BCR: variants seen among roughly 807,000 people sequenced by gnomAD.
BCR encodes the protein breakpoint cluster region protein.
BCR carries 58 observed loss-of-function variants against 138.6 expected under a neutral mutation model. That is an observed-to-expected ratio of 0.42 (90% CI 0.34 to 0.52). BCR has a LOEUF of 0.52. BCR is among the 20% of genes least tolerant of loss of function. The pLI, the probability that BCR is intolerant of heterozygous loss-of-function variation, is 0.06. For synonymous variants in BCR, 786 were observed against 730.1 expected (o/e 1.08, Z -1.23); for missense variants, 1,599 against 1,727.2 (o/e 0.93, Z 1.32).
intron 16 of BCR, among the ~76,000 whole-genome samples, chr22:23,305,943 T>C (rs144947598): frequency 6.6e-6 from 1 of 152,386 alleles, no homozygotes; most frequent in East Asian, 1.9e-4. Context: ...CCCAGTCTTT[T>C]GCTTGTTTAC....
At chr22:23,275,869 G>A (rs1602093533) in intron 8 of BCR, among the ~76,000 whole-genome samples, 1 of 152,192 alleles carries the variant, frequency 6.6e-6, no homozygotes, top group East Asian at 1.9e-4. Flanking sequence ...GGCTTCTCCT[G>A]TGCCTAGTCT....
At chr22:23,246,722 G>A (rs777596418) in intron 1 of BCR, among the ~76,000 whole-genome samples, 2 of 152,174 alleles carry the variant, frequency 1.3e-5, no homozygotes, top group African/African-American at 2.4e-5. Flanking sequence ...TGGGTTTTCA[G>A]CACCATATGT....
rs564855412 is a variant in BCR at position 23,186,092 on chromosome 22, T to A, written c.1279+3853T>A. On this transcript the variant is annotated intron_variant, in intron 1 of 22. Transcript: ENST00000305877. ...ACCGGAAGAGAGGGAGAGGCACACATGTATGTGCTCAAGGGAAGTGAGATC... is the reference window on the plus strand; with the variant it reads ...ACCGGAAGAGAGGGAGAGGCACACAAGTATGTGCTCAAGGGAAGTGAGATC... Among the ~76,000 whole-genome samples the A allele has an allele frequency of 6.6e-5, 10 of 152,262 alleles. No homozygotes were observed. The East Asian group carries it at 9.7e-4, about 15-fold the overall frequency.
At chr22:23,281,783 A>G (rs918026570) in intron 8 of BCR, among the ~76,000 whole-genome samples, 5 of 152,156 alleles carry the variant, frequency 3.3e-5, no homozygotes, top group Admixed American at 2.6e-4. Context: ...CAGAGGGGCC[A>G]CTTCCTCCCC....
In BCR at chr22:23,181,105, G is replaced by A. The variant is rs1352344487; in HGVS notation, c.145G>A (p.Val49Met). Reference protein sequence around the residue: ...KASIRRLEQEVNQERFRMIYL... With the variant: ...KASIRRLEQEMNQERFRMIYL... ...CTCCATTCGGCGCCTGGAGCAGGAG[G>A]TGAACCAGGAGCGCTTCCGCATGAT... Residue 49 changes from valine (V) to methionine (M), a missense_variant, in exon 1 of 23, where the codon GTG (valine) becomes ATG (methionine). This residue lies in a region of BCR where 806 missense variants were observed against 635.0 expected (regional missense o/e 1.27). Transcript: ENST00000305877. The A allele has an allele frequency of 5.0e-5, 75 of 1,509,198 alleles. No individual in the cohort carries two copies. The highest frequency in any genetic ancestry group is 6.4e-5 in the Non-Finnish European group (72 of 1,121,958). 93.5% of individuals were successfully genotyped at this position (1,509,198 alleles called of 1,614,324 possible). A position where few individuals can be genotyped will look rare whatever the true frequency, so the allele number is the denominator to read the frequency against.
At chr22:23,304,099 ATTTTT>A (rs56805241) in intron 16 of BCR, among the ~76,000 whole-genome samples, 3,608 of 102,204 alleles carry the variant, frequency 0.035, 101 homozygotes, top group African/African-American at 0.094. Context: ...ATGCCAGGCT[ATTTTT>A]TTTTTTTTTT....
intron 8 of BCR, among the ~76,000 whole-genome samples, chr22:23,280,160 A>C (rs553655172): frequency 2.0e-4 from 31 of 152,298 alleles, no homozygotes; most frequent in Admixed American, 7.2e-4. Flanking sequence ...GGGGACAGAA[A>C]CTTTCAGCCC....
intron 1 of BCR, among the ~76,000 whole-genome samples, chr22:23,187,958 C>G (rs2146197228): frequency 6.6e-6 from 1 of 152,268 alleles, no homozygotes; most frequent in South Asian, 2.1e-4. Flanking sequence ...CCTTTGAATT[C>G]CGGTGATGAG....
chr22:23,207,602 G>A (rs566245361), intron 1 of BCR, among the ~76,000 whole-genome samples: 3 of 152,262 alleles, frequency 2.0e-5, no homozygotes, highest in African/African-American at 4.8e-5. Context: ...TAGCCTGGGC[G>A]ACAGAGACAG....
intron 1 of BCR, among the ~76,000 whole-genome samples, chr22:23,224,861 G>A (rs895138135): frequency 1.3e-5 from 2 of 152,074 alleles, no homozygotes; most frequent in African/African-American, 2.4e-5. Context: ...CATCCTGGGC[G>A]ACAGAGCAAG....
At position 23,313,955 on chromosome 22, in the gene BCR, C is replaced by G. The variant is rs748248472; in HGVS notation, c.3458-13C>G. ...CGTTGTGACCCCAAGGAGTAACCCACCGCCTTCTGCAGCTCTTTCAGACCC... is the reference window on the plus strand; with the variant it reads ...CGTTGTGACCCCAAGGAGTAACCCAGCGCCTTCTGCAGCTCTTTCAGACCC... On this transcript the variant is annotated splice_polypyrimidine_tract_variant and intron_variant, in intron 20 of 22. Coordinates refer to ENST00000305877, the MANE Select transcript of BCR (RefSeq NM_004327.4). 3.1e-6 allele frequency: 5 copies of G among 1,611,476 alleles called. No homozygotes were observed. The South Asian group carries it at 5.5e-5, about 18-fold the overall frequency.
intron 8 of BCR, among the ~76,000 whole-genome samples, chr22:23,279,336 A>C (rs1424359676): frequency 1.3e-5 from 2 of 152,180 alleles, no homozygotes; most frequent in Non-Finnish European, 2.9e-5. Flanking sequence ...AGCAGGTGAG[A>C]GGGAGGGAAG....
intron 1 of BCR, among the ~76,000 whole-genome samples, chr22:23,196,170 T>C (rs5751606): frequency 0.29 from 44,084 of 152,062 alleles, 6,503 homozygotes; most frequent in East Asian, 0.35. Context: ...TCTAGTGTTT[T>C]ATAAGTGGCA....
At chr22:23,263,371 C>T (rs959132400) in intron 4 of BCR, 164 of 1,230,484 alleles carry the variant, frequency 1.3e-4, no homozygotes, top group Non-Finnish European at 1.7e-4. Flanking sequence ...TCCGGCTTCA[C>T]GCGGCTCGGC....
At chr22:23,283,220 C>T (rs1213020583) in intron 8 of BCR, 1 of 152,318 alleles carries the variant, frequency 6.6e-6, no homozygotes, top group African/African-American at 2.4e-5. Flanking sequence ...AGATGCAGAC[C>T]AAGATGCAGA....
At chr22:23,298,718 C>T (rs551803000) in intron 16 of BCR, among the ~76,000 whole-genome samples, 39 of 152,272 alleles carry the variant, frequency 2.6e-4, no homozygotes, top group African/African-American at 9.2e-4. Context: ...GCCGCAGCCT[C>T]CTGAATAGCT....
chr22:23,219,354 C>T (rs912027207), intron 1 of BCR, among the ~76,000 whole-genome samples: 1 of 152,172 alleles, frequency 6.6e-6, no homozygotes, highest in Non-Finnish European at 1.5e-5. Context: ...TAGCACAAAG[C>T]CTCCCCCCGG....
At chr22:23,266,111 G>A (rs1316739919) in intron 4 of BCR, among the ~76,000 whole-genome samples, 1 of 151,612 alleles carries the variant, frequency 6.6e-6, no homozygotes, top group Non-Finnish European at 1.5e-5. Flanking sequence ...TTGAGATAGA[G>A]TCTCACTCTG....
At chr22:23,308,449 A>G (rs1212692647) in intron 16 of BCR, among the ~76,000 whole-genome samples, 1 of 151,900 alleles carries the variant, frequency 6.6e-6, no homozygotes, top group Non-Finnish European at 1.5e-5. Flanking sequence ...GGGACTACAG[A>G]CGCCCACCAC....
Sources: allele counts gnomAD v4.1 joint callset (sites outside exome capture counted in the v4.1 genomes callset), GRCh38; gene constraint gnomAD v4.1.1; regional missense constraint gnomAD v4.1.1; transcripts MANE v1.5; gene names NCBI Gene and HGNC (gene_info 2026-07-23, HGNC 2026-07-21).